The following LUC7L variants were observed in gnomAD, a reference collection of about 807,000 sequenced individuals.
LUC7L encodes putative RNA-binding protein Luc7-like 1.
LUC7L carries 29 observed loss-of-function variants against 51.1 expected under a neutral mutation model. The observed-to-expected ratio is 0.57, with a 90% CI of 0.42 to 0.77. The LOEUF is 0.77. Among genes scored for constraint, LUC7L ranks in the 30% least tolerant of loss-of-function variants. LUC7L has a pLI of 0.00. For missense variants in LUC7L, 403 were observed against 511.9 expected, an observed-to-expected ratio of 0.79 and a Z score of 2.05; for synonymous variants, 181 against 180.7, an observed-to-expected ratio of 1.00 and a Z score of -0.01.
At chr16:202,929 C>T (rs1393496951) in intron 5 of LUC7L, among the ~76,000 whole-genome samples, 2 of 152,240 alleles carry the variant, frequency 1.3e-5, no homozygotes, top group East Asian at 3.9e-4. Context: ...AGGTGGATCA[C>T]TTGAGGTCAG....
At chr16:221,982 C>G (rs2049982638) in intron 2 of LUC7L, among the ~76,000 whole-genome samples, 1 of 152,148 alleles carries the variant, frequency 6.6e-6, no homozygotes, top group Non-Finnish European at 1.5e-5. Flanking sequence ...GGAAATGACC[C>G]TGGACATCTA....
intron 3 of LUC7L, among the ~76,000 whole-genome samples, chr16:219,584 G>GA (rs1436482444): frequency 6.6e-6 from 1 of 150,554 alleles, no homozygotes; most frequent in Non-Finnish European, 1.5e-5. Flanking sequence ...GTATCAAAAA[G>GA]AAAAAGAAGC....
At chr16:228,908 T>C (rs1445936648) in intron 1 of LUC7L, 1 of 1,348,726 alleles carries the variant, frequency 7.4e-7, no homozygotes, top group East Asian at 4.4e-5. Flanking sequence ...CTCGGAAGAG[T>C]TCTGCCACCC....
intron 1 of LUC7L, chr16:228,975 C>A (rs1443795966): frequency 7.0e-6 from 10 of 1,430,058 alleles, no homozygotes; most frequent in Non-Finnish European, 9.3e-6. Context: ...CTCCACAGTT[C>A]GCGGAGGGGC....
intron 3 of LUC7L, among the ~76,000 whole-genome samples, chr16:215,212 G>A (rs1383701979): frequency 6.6e-6 from 1 of 152,174 alleles, no homozygotes; most frequent in South Asian, 2.1e-4. Context: ...AGTAGGCCAG[G>A]TGCAATGGAT....
intron 3 of LUC7L, among the ~76,000 whole-genome samples, chr16:215,313 C>A (rs1247794085): frequency 6.6e-6 from 1 of 151,762 alleles, no homozygotes; most frequent in Non-Finnish European, 1.5e-5. Flanking sequence ...TGGTGAAACC[C>A]TGCCTACTGA....
intron 9 of LUC7L, 30 bp downstream of exon 9, chr16:189,938 T>C: frequency 6.3e-7 from 1 of 1,590,710 alleles, no homozygotes; most frequent in East Asian, 2.2e-5. Flanking sequence ...CACTCCTGGT[T>C]GCAGCTACCG....
chr16:196,031 G>A (rs1423293157), intron 6 of LUC7L, among the ~76,000 whole-genome samples: 4 of 152,052 alleles, frequency 2.6e-5, no homozygotes, highest in Admixed American at 2.0e-4. Flanking sequence ...TAAGGTAGAA[G>A]GGAAAAACAT....
At chr16:189,675 A>T in intron 9 of LUC7L, 1 of 1,335,096 alleles carries the variant, frequency 7.5e-7, no homozygotes, top group East Asian at 2.7e-5. Context: ...AGAGGTAAGC[A>T]GGGCCTGGTC....
At chr16:220,858 A>G in intron 2 of LUC7L, 111 bp from the exon 3 acceptor site, 3 of 689,926 alleles carry the variant, frequency 4.3e-6, no homozygotes, top group African/African-American at 1.8e-5. Context: ...CTTTTGGAAC[A>G]CTGACACTGC....
intron 1 of LUC7L, 122 bp downstream of exon 1, chr16:229,157 G>A (rs938273712): frequency 2.8e-6 from 4 of 1,439,590 alleles, no homozygotes; most frequent in Non-Finnish European, 2.7e-6. Context: ...GAGCGCGGGG[G>A]AGGAGGAGCG....
chr16:192,257 T>C, intron 7 of LUC7L, among the ~76,000 whole-genome samples: 1 of 152,044 alleles, frequency 6.6e-6, no homozygotes, highest in East Asian at 1.9e-4. Flanking sequence ...TCCATCTGGA[T>C]TTTCCCACCT....
intron 5 of LUC7L, among the ~76,000 whole-genome samples, chr16:205,261 C>T (rs927323792): frequency 7.9e-5 from 12 of 152,290 alleles, no homozygotes; most frequent in African/African-American, 2.9e-4. Flanking sequence ...GGGATCCTCT[C>T]ATCTCAGCCT....
Position 217,099 on chromosome 16 carries a change from C to G in LUC7L, c.255+3550G>C, listed in dbSNP as rs562287161. ...TGGTGTGATCTCAGCACACTGCAACCTTCACCAACTGGGTTCAAGCCATTC... is the reference window on the plus strand; with the variant it reads ...TGGTGTGATCTCAGCACACTGCAACGTTCACCAACTGGGTTCAAGCCATTC... On this transcript the variant is annotated intron_variant, in intron 3 of 9. Transcript: ENST00000293872. Among the ~76,000 whole-genome samples, 6 of 152,226 alleles carry G rather than the reference C, an allele frequency of 3.9e-5. No individual in the cohort carries two copies. The South Asian group carries it at 1.2e-3, about 32-fold the overall frequency.
intron 5 of LUC7L, among the ~76,000 whole-genome samples, chr16:203,567 G>A (rs1013129736): frequency 9.9e-5 from 15 of 152,116 alleles, no homozygotes; most frequent in Admixed American, 2.0e-4. Flanking sequence ...AATTAGCTGG[G>A]CTTGGTGGCA....
intron 3 of LUC7L, chr16:209,316 C>T (rs2142080277): frequency 6.6e-6 from 1 of 152,084 alleles, no homozygotes; most frequent in African/African-American, 2.4e-5. Flanking sequence ...ACAGTGAAGC[C>T]CCATCTCTAC....
chr16:192,939 C>T lies in LUC7L; in HGVS notation c.764G>A (p.Arg255His), dbSNP rs775775803. Reference sequence around the variant, plus strand: ...CCCTCAGGCTCACCTCCTGCTCAGACGCTCCTCCCGTTCCCTCTCCTCTCT... The same window carrying T: ...CCCTCAGGCTCACCTCCTGCTCAGATGCTCCTCCCGTTCCCTCTCCTCTCT... ...RRREEREREE[R>H]LSRRSGSRTR... is the part of the protein sequence containing the mutation. The change falls in exon 7 of 10, where the codon CGT becomes CAT. Residue 255 changes from arginine to histidine, a missense_variant. Transcript: ENST00000293872. 3.7e-6 allele frequency: 6 copies of T among 1,612,848 alleles called. No individual in the cohort carries two copies. The highest frequency in any genetic ancestry group is 1.3e-5 in the African/African-American group (1 of 74,936).
At chr16:190,680 G>C (rs2048988425) in intron 7 of LUC7L, 110 bp from the exon 8 acceptor site, 3 of 917,422 alleles carry the variant, frequency 3.3e-6, no homozygotes, top group Admixed American at 3.9e-5. Flanking sequence ...ACGAGCTGGA[G>C]ACCAGCCTGG....
At chr16:198,818 C>G (rs2049236367) in intron 6 of LUC7L, among the ~76,000 whole-genome samples, 1 of 151,984 alleles carries the variant, frequency 6.6e-6, no homozygotes, top group East Asian at 1.9e-4. Context: ...TCCCGAGTAC[C>G]TAAGATTACA....
Sources: allele counts gnomAD v4.1 joint callset (sites outside exome capture counted in the v4.1 genomes callset), GRCh38; gene constraint gnomAD v4.1.1; transcripts MANE v1.5; gene names NCBI Gene and HGNC (gene_info 2026-07-23, HGNC 2026-07-21).